The following MRPL1 variants were observed in gnomAD, a reference collection of about 807,000 sequenced individuals.
The protein encoded by MRPL1 is mitochondrial ribosomal protein L1, also known as large ribosomal subunit protein uL1m.
Under a neutral mutation model 38.0 loss-of-function variants are expected in MRPL1, and 28 were observed. The ratio of observed to expected loss-of-function variants is 0.74; its 90% confidence interval spans 0.55 to 1.01. The LOEUF is 1.01. Ranked by LOEUF, MRPL1 falls within the 50% of genes least tolerant of loss-of-function variation. The pLI, the probability that MRPL1 is intolerant of heterozygous loss-of-function variation, is 0.00. For synonymous variants in MRPL1, 123 were observed against 126.7 expected, an observed-to-expected ratio of 0.97 and a Z score of 0.20; for missense variants, 358 against 389.8, an observed-to-expected ratio of 0.92 and a Z score of 0.69.
At chr4:77,884,472 A>G (rs562532888) in intron 3 of MRPL1, among the ~76,000 whole-genome samples, 43 of 152,312 alleles carry the variant, frequency 2.8e-4, no homozygotes, top group Non-Finnish European at 5.7e-4. Context: ...TCAGGCCTCA[A>G]TAGTTCCTGG....
intron 5 of MRPL1, 50 bp from the exon 6 acceptor site, chr4:77,894,089 A>G: frequency 9.6e-7 from 1 of 1,036,822 alleles, no homozygotes; most frequent in Non-Finnish European, 1.5e-6. Flanking sequence ...TTTCAGAACG[A>G]TAAAGCTTTT....
intron 7 of MRPL1, among the ~76,000 whole-genome samples, chr4:77,933,498 A>G (rs1462866830): frequency 6.6e-6 from 1 of 152,174 alleles, no homozygotes; most frequent in Non-Finnish European, 1.5e-5. Flanking sequence ...GATCTCATAA[A>G]ACTATAAACT....
intron 6 of MRPL1, among the ~76,000 whole-genome samples, chr4:77,899,956 C>T (rs987160894): frequency 6.6e-6 from 1 of 152,112 alleles, no homozygotes; most frequent in African/African-American, 2.4e-5. Context: ...CTCTCTTTGT[C>T]TTGTCTTTGT....
chr4:77,920,495 G>C (rs1736542447), intron 7 of MRPL1, among the ~76,000 whole-genome samples: 1 of 152,158 alleles, frequency 6.6e-6, no homozygotes, highest in African/African-American at 2.4e-5. Context: ...ACATTGTCTT[G>C]AGATCTGTTG....
At chr4:77,905,035 C>A (rs1268452895) in intron 6 of MRPL1, among the ~76,000 whole-genome samples, 22 of 152,074 alleles carry the variant, frequency 1.4e-4, no homozygotes, top group Admixed American at 1.4e-3. Flanking sequence ...TGGGTGAATA[C>A]CCCTAAGAAA....
chr4:77,896,362 C>T (rs1200941580), intron 6 of MRPL1, among the ~76,000 whole-genome samples: 1 of 152,148 alleles, frequency 6.6e-6, no homozygotes, highest in East Asian at 1.9e-4. Flanking sequence ...TTTTTCCCCC[C>T]TATTTGCGTA....
rs1475583431 is a variant in MRPL1 at position 77,885,292 on chromosome 4, C to T, written c.439C>T (p.Pro147Ser). ...VEPFTSVLSLPYPFASEINKV... is the reference protein window; with the variant it reads ...VEPFTSVLSLSYPFASEINKV... ...GCCATTTACCAGTGTTCTTAGTTTG[C>T]CATACCCATTTGCTTCCGAAATCAA... The change falls in exon 4 of 9, where the codon CCA (proline) becomes TCA (serine). Residue 147 changes from proline to serine, a missense_variant. Transcript: ENST00000315567. The T allele has an allele frequency of 6.2e-7, 1 of 1,613,886 alleles. No homozygotes were observed. Among genetic ancestry groups the T allele is most frequent in the Admixed American group, 1.7e-5 (1 of 60,016 alleles).
intron 6 of MRPL1, among the ~76,000 whole-genome samples, chr4:77,908,950 C>T (rs559576000): frequency 1.3e-5 from 2 of 152,342 alleles, no homozygotes; most frequent in African/African-American, 4.8e-5. Flanking sequence ...GTGGCCCTCT[C>T]CATATGGCAG....
At chr4:77,885,106 A>G (rs775088028) in intron 3 of MRPL1, 150 bp from the exon 4 acceptor site, 18 of 515,152 alleles carry the variant, frequency 3.5e-5, no homozygotes, top group Non-Finnish European at 5.9e-5. Flanking sequence ...ATTCATGAAT[A>G]GTAATCAATG....
chr4:77,897,704 T>C (rs1359821659), intron 6 of MRPL1, among the ~76,000 whole-genome samples: 1 of 152,256 alleles, frequency 6.6e-6, no homozygotes. Flanking sequence ...ATATTAAAGT[T>C]CTTGTAATGT....
rs144688034 is a variant in MRPL1 at position 77,883,198 on chromosome 4, C to A, written c.144-44C>A. 7.2e-4 allele frequency: 869 copies of A among 1,207,306 alleles called. 14 individuals are homozygous for A. In the East Asian group the frequency reaches 0.022, roughly 31 times the overall value. 74.8% of individuals were successfully genotyped at this position (1,207,306 alleles called of 1,614,324 possible). On this transcript the variant is annotated intron_variant, in intron 2 of 8. Coordinates refer to ENST00000315567, the MANE Select transcript of MRPL1 (RefSeq NM_020236.4). ...CTGGCTTTTTTTTTAAAAAAAATCT[C>A]TTAGGATATATATTGATATAACTCA...
In MRPL1 at chr4:77,949,864, G is replaced by A. The variant is rs1449115137; in HGVS notation, c.845G>A (p.Arg282Lys). The change falls in exon 8 of 9, where the codon AGA becomes AAA. Residue 282 changes from arginine (R) to lysine (K), a missense_variant. Coordinates refer to ENST00000315567, the MANE Select transcript of MRPL1 (RefSeq NM_020236.4). ...QAVINEVCRH[R>K]PLNLGPFVVR... ...GTTATTAATGAAGTTTGTAGGCACA[G>A]ACCGCTGAATTTGGGTAAGTGGTTT... The A allele has an allele frequency of 6.2e-7, 1 of 1,609,008 alleles. No homozygotes were observed.
intron 7 of MRPL1, among the ~76,000 whole-genome samples, chr4:77,921,995 G>GTTA (rs1209846124): frequency 6.6e-6 from 1 of 152,044 alleles, no homozygotes; most frequent in Non-Finnish European, 1.5e-5. Flanking sequence ...AGATAATGGG[G>GTTA]TTATATACAT....
At chr4:77,926,806 G>A (rs528025468) in intron 7 of MRPL1, among the ~76,000 whole-genome samples, 1 of 151,628 alleles carries the variant, frequency 6.6e-6, no homozygotes, top group African/African-American at 2.4e-5. Flanking sequence ...ACGGGGCTTC[G>A]TCATGTTGGC....
intron 7 of MRPL1, among the ~76,000 whole-genome samples, chr4:77,927,595 C>T (rs1162055213): frequency 1.3e-5 from 2 of 151,766 alleles, no homozygotes; most frequent in Non-Finnish European, 2.9e-5. Flanking sequence ...AGTTTAAAAA[C>T]TATTACTATA....
chr4:77,874,233 G>A (rs969394826), intron 2 of MRPL1, among the ~76,000 whole-genome samples: 6 of 152,162 alleles, frequency 3.9e-5, no homozygotes, highest in South Asian at 2.1e-4. Flanking sequence ...TGATCTGCCC[G>A]CCTTGGCCTC....
chr4:77,922,185 T>A (rs1024280489), intron 7 of MRPL1, among the ~76,000 whole-genome samples: 3 of 151,912 alleles, frequency 2.0e-5, no homozygotes, highest in Non-Finnish European at 4.4e-5. Flanking sequence ...AGTAGTAGAG[T>A]TAGGATATTG....
chr4:77,936,797 T>C (rs758444315), intron 7 of MRPL1, among the ~76,000 whole-genome samples: 1 of 152,182 alleles, frequency 6.6e-6, no homozygotes, highest in Non-Finnish European at 1.5e-5. Context: ...ATGCATTCTG[T>C]GTCTATGTAC....
chr4:77,896,969 T>C (rs1204167983), intron 6 of MRPL1, among the ~76,000 whole-genome samples: 1 of 150,442 alleles, frequency 6.6e-6, no homozygotes, highest in Admixed American at 6.6e-5. Flanking sequence ...CTGTAATTCT[T>C]TCATCTCTAA....
Sources: allele counts gnomAD v4.1 joint callset (sites outside exome capture counted in the v4.1 genomes callset), GRCh38; gene constraint gnomAD v4.1.1; transcripts MANE v1.5; gene names NCBI Gene and HGNC (gene_info 2026-07-23, HGNC 2026-07-21).